The following ITGA11 variants were observed in gnomAD, a reference collection of about 807,000 sequenced individuals.
ITGA11 encodes the protein integrin subunit alpha 11, also known as integrin alpha-11.
In ITGA11, 97 loss-of-function variants were observed where a neutral mutation model predicts 141.9. The observed-to-expected ratio is 0.68, with a 90% CI of 0.58 to 0.81. The LOEUF (loss-of-function observed/expected upper bound fraction) is 0.81. Among genes scored for constraint, ITGA11 ranks in the 30% least tolerant of loss-of-function variants. ITGA11 has a pLI of 0.00. For missense variants in ITGA11, 1,387 were observed against 1,559.2 expected, an observed-to-expected ratio of 0.89 and a Z score of 1.86; for synonymous variants, 658 against 624.6, an observed-to-expected ratio of 1.05 and a Z score of -0.80.
intron 28 of ITGA11, among the ~76,000 whole-genome samples, chr15:68,306,208 G>A (rs1893189538): frequency 1.3e-5 from 2 of 150,118 alleles, no homozygotes; most frequent in Non-Finnish European, 3.0e-5. Flanking sequence ...AAAAAAGGGA[G>A]TGAGGCATCC....
At chr15:68,394,826 A>G (rs1896193872) in intron 2 of ITGA11, among the ~76,000 whole-genome samples, 1 of 152,242 alleles carries the variant, frequency 6.6e-6, no homozygotes, top group African/African-American at 2.4e-5. Flanking sequence ...AATGAAATGT[A>G]CAAATTACTT....
chr15:68,397,236 G>A, intron 2 of ITGA11, among the ~76,000 whole-genome samples: 20 of 30 alleles, frequency 0.67, 9 homozygotes, highest in Admixed American at 1. Flanking sequence ...TATATATTAT[G>A]TATTATATTA....
chr15:68,348,407 T>C (rs1010268611), intron 10 of ITGA11, among the ~76,000 whole-genome samples: 5 of 152,202 alleles, frequency 3.3e-5, no homozygotes, highest in Non-Finnish European at 5.9e-5. Flanking sequence ...GCACGTGCCA[T>C]TGGCTTTGCC....
intron 2 of ITGA11, among the ~76,000 whole-genome samples, chr15:68,397,826 TA>T (rs1896361086): frequency 7.0e-6 from 1 of 143,286 alleles, no homozygotes; most frequent in Non-Finnish European, 1.5e-5. Context: ...TATATTATTA[TA>T]TAAATATTAT....
chr15:68,368,252 G>A (rs948458506), intron 3 of ITGA11, among the ~76,000 whole-genome samples: 15 of 152,188 alleles, frequency 9.9e-5, no homozygotes, highest in African/African-American at 3.6e-4. Flanking sequence ...TCGAAGGAGG[G>A]AGGCCCAGGG....
At position 68,325,031 on chromosome 15, in the gene ITGA11, G is replaced by A; in HGVS notation, c.2322+100C>T. ...GTGGGAAGGTGAGATGAGGGATGGTGTCCTCTGTACCCGGCACACTCAGGC... is the reference window on the plus strand; with the variant it reads ...GTGGGAAGGTGAGATGAGGGATGGTATCCTCTGTACCCGGCACACTCAGGC... On this transcript the variant is annotated intron_variant, in intron 18 of 29. Transcript: ENST00000315757. The surrounding 1 kb of genome is among the most constrained non-coding windows in gnomAD (Gnocchi z 5.5). The A allele has an allele frequency of 1.2e-6, 1 of 856,858 alleles. No homozygotes were observed. Among genetic ancestry groups the A allele is most frequent in the Non-Finnish European group, 2.0e-6 (1 of 505,502 alleles). 53.1% of individuals were successfully genotyped at this position (856,858 alleles called of 1,614,324 possible). A position where few individuals can be genotyped will look rare whatever the true frequency, so the allele number is the denominator to read the frequency against.
At chr15:68,369,858 C>G (rs1013382979) in intron 2 of ITGA11, among the ~76,000 whole-genome samples, 6 of 152,210 alleles carry the variant, frequency 3.9e-5, no homozygotes, top group Admixed American at 3.3e-4. Context: ...TTGCAACCTT[C>G]TTTGGAAAAA....
chr15:68,412,962 C>T (rs1896809849), intron 1 of ITGA11, among the ~76,000 whole-genome samples: 1 of 152,142 alleles, frequency 6.6e-6, no homozygotes, highest in South Asian at 2.1e-4. Flanking sequence ...AGGCGTGAGC[C>T]ACTGGCACCC....
chr15:68,392,592 T>C (rs1168584606), intron 2 of ITGA11, among the ~76,000 whole-genome samples: 1 of 152,204 alleles, frequency 6.6e-6, no homozygotes, highest in Non-Finnish European at 1.5e-5. Flanking sequence ...CTTGGCTGAC[T>C]CCTAAGCTGT....
chr15:68,400,849 ATT>A, intron 2 of ITGA11, among the ~76,000 whole-genome samples: 1 of 82,308 alleles, frequency 1.2e-5, no homozygotes, highest in Non-Finnish European at 2.1e-5. Flanking sequence ...TATATTATAT[ATT>A]ATATAATAAA....
rs1218950036 is a variant in ITGA11 at position 68,305,542 on chromosome 15, AC to A, written c.3382-1658del. ...ACGTGGAGTGAATGGACCACCTGCAACAGCAGACAGAGCCATGTGGAGTGAA... is the reference window on the plus strand; with the variant it reads ...ACGTGGAGTGAATGGACCACCTGCAAAGCAGACAGAGCCATGTGGAGTGAA... On this transcript the variant is annotated intron_variant, in intron 28 of 29. Transcript: ENST00000315757. This position sits in a 1 kb window ranked among gnomAD's most constrained non-coding sequence, Gnocchi z 4.6. Among the ~76,000 whole-genome samples the A allele has an allele frequency of 6.6e-6, 1 of 152,186 alleles. No homozygotes were observed. The highest frequency in any genetic ancestry group is 2.4e-5 in the African/African-American group (1 of 41,448).
chr15:68,391,933 A>G (rs1896130897), intron 2 of ITGA11, among the ~76,000 whole-genome samples: 2 of 152,212 alleles, frequency 1.3e-5, no homozygotes, highest in South Asian at 4.1e-4. Context: ...CTTAATTTTT[A>G]ACCTTTCATA....
At chr15:68,375,098 G>A (rs11072014) in intron 2 of ITGA11, among the ~76,000 whole-genome samples, 34,904 of 152,004 alleles carry the variant, frequency 0.23, 5,160 homozygotes, top group East Asian at 0.53. Flanking sequence ...GAGGAGTGAG[G>A]CCTGTCCTCT....
chr15:68,423,496 C>T (rs1000602424), intron 1 of ITGA11, among the ~76,000 whole-genome samples: 26 of 152,150 alleles, frequency 1.7e-4, no homozygotes, highest in African/African-American at 6.0e-4. Context: ...CTGCTGTTGG[C>T]GTGTGCAGGT....
At chr15:68,339,824 A>G (rs985017182) in intron 10 of ITGA11, among the ~76,000 whole-genome samples, 180 bp from the exon 11 acceptor site, 2 of 152,170 alleles carry the variant, frequency 1.3e-5, no homozygotes, top group Non-Finnish European at 2.9e-5. Context: ...AGCCAAGGAG[A>G]CTTTCTTGCC....
chr15:68,402,588 C>T (rs962136779), intron 2 of ITGA11, among the ~76,000 whole-genome samples: 2 of 152,084 alleles, frequency 1.3e-5, no homozygotes, highest in African/African-American at 4.8e-5. Flanking sequence ...GAGACACCCC[C>T]AGCAGCTCTC....
chr15:68,376,140 T>C (rs1490946007), intron 2 of ITGA11, among the ~76,000 whole-genome samples: 11 of 152,056 alleles, frequency 7.2e-5, no homozygotes, highest in Non-Finnish European at 5.9e-5. Context: ...CGACTCTCAC[T>C]GGGCTCAAAG....
rs983204381 is a variant in ITGA11 at position 68,312,754 on chromosome 15, G to A, written c.2973+19C>T. 5.7e-6 allele frequency: 9 copies of A among 1,583,762 alleles called. No individual in the cohort carries two copies. The highest frequency in any genetic ancestry group is 6.9e-6 in the Non-Finnish European group (8 of 1,154,266). On this transcript the variant is annotated intron_variant, in intron 24 of 29. Coordinates refer to ENST00000315757, the MANE Select transcript of ITGA11 (RefSeq NM_001004439.2). ...AGATCCCGTCCTTCCCCCTCTACCC[G>A]GCTCCCCTCCAGCCTCACCCTGAAG...
chr15:68,330,635 A>C (rs1894126314), intron 15 of ITGA11, among the ~76,000 whole-genome samples: 2 of 152,144 alleles, frequency 1.3e-5, no homozygotes, highest in Admixed American at 1.3e-4. Context: ...ACATTCCTCC[A>C]CGCCAGGGGA....
Sources: gnomAD v4.1 joint callset for allele counts (sites outside exome capture counted in the v4.1 genomes callset) on GRCh38, gnomAD v4.1.1 for gene constraint, Gnocchi (gnomAD v3.1) non-coding constraint, MANE v1.5 for transcripts, NCBI Gene and HGNC (gene_info 2026-07-23, HGNC 2026-07-21) for gene names.